The following TRAIP variants were observed in gnomAD, a reference collection of about 807,000 sequenced individuals.
TRAIP encodes the protein TRAF interacting protein.
A neutral mutation model predicts 65.0 loss-of-function variants in TRAIP; 37 were observed. The ratio of observed to expected loss-of-function variants is 0.57; its 90% CI spans 0.44 to 0.75. TRAIP has a LOEUF of 0.75. Among genes scored for constraint, TRAIP ranks in the 30% least tolerant of loss-of-function variants. The pLI, the probability that TRAIP is intolerant of heterozygous loss-of-function variation, is 0.00. For synonymous variants in TRAIP, 187 were observed against 219.1 expected (o/e 0.85, Z 1.29); for missense variants, 481 against 579.4 (o/e 0.83, Z 1.74).
chr3:49,843,869 G>T lies in TRAIP; in HGVS notation c.340C>A (p.Arg114Ser). The T allele has an allele frequency of 6.2e-7, 1 of 1,613,872 alleles. No homozygotes were observed. Among genetic ancestry groups the T allele is most frequent in the Non-Finnish European group, 8.5e-7 (1 of 1,179,764 alleles). The change falls in exon 5 of 15, where the codon CGC (arginine) becomes AGC (serine). Residue 114 changes from arginine to serine, a missense_variant. By Grantham distance (110) the Arg-to-Ser change is moderately radical (BLOSUM62 -1). Transcript: ENST00000331456. The part of the protein sequence containing the change: ...IDTLRDTLEE[R>S]NATVVSLQQA... ...TGCAGAGATACCACAGTAGCATTGC[G>T]TTCTTCCAGCGTATCCCGCAGAGTG...
intron 8 of TRAIP, chr3:49,840,681 G>A: frequency 1.8e-6 from 1 of 561,034 alleles, no homozygotes; most frequent in Middle Eastern, 4.8e-4. Flanking sequence ...GGCCTCTGAT[G>A]CTGTCACATT....
chr3:49,847,691 C>T, intron 2 of TRAIP, 83 bp from the exon 3 acceptor site: 1 of 908,902 alleles, frequency 1.1e-6, no homozygotes, highest in Non-Finnish European at 1.7e-6. Context: ...GGTCTGACTA[C>T]CTGCCTGACA....
rs778303025 is a variant in TRAIP, at chr3:49,841,859, T to TCCACCGCTGACTGTC, written c.569_583dup (p.Gly190_Val194dup). 6.2e-7 allele frequency: 1 copy of TCCACCGCTGACTGTC among 1,614,150 alleles called. No homozygotes were observed. The highest frequency in any genetic ancestry group is 1.1e-5 in the South Asian group (1 of 91,084). ...AGACACACAGTACACAGCCAGCTGT[T>TCCACCGCTGACTGTC]CCACCGCTGACTGTCCCACACCCAT... is the stretch of plus-strand genomic sequence containing the variant. On this transcript the variant is annotated inframe_insertion, in exon 7 of 15. Coordinates refer to ENST00000331456, the MANE Select transcript of TRAIP (RefSeq NM_005879.3).
intron 4 of TRAIP, 21 bp from the exon 5 acceptor site, chr3:49,843,949 G>A (rs368942424): frequency 3.9e-5 from 62 of 1,593,348 alleles, no homozygotes; most frequent in Non-Finnish European, 4.7e-5. Context: ...GGTAGAGGGC[G>A]GAGGAAAGGG....
chr3:49,842,638 G>A, intron 5 of TRAIP, 91 bp from the exon 6 acceptor site: 1 of 1,224,456 alleles, frequency 8.2e-7, no homozygotes, highest in Non-Finnish European at 1.2e-6. Flanking sequence ...AGAACTCTCT[G>A]CAGCTTATGT....
chr3:49,841,881 C>T lies in TRAIP; in HGVS notation c.562G>A (p.Gly188Ser). ...TGTTCCACCGCTGACTGTCCCACAC[C>T]CATGTCTCGGATCATCTCCTCCACC... ...PEVEEMIRDM[G>S]VGQSAVEQLA... is the part of the protein sequence containing the mutation. The change falls in exon 7 of 15, where the codon GGT (glycine) becomes AGT (serine). Residue 188 changes from glycine to serine, a missense_variant. Gly to Ser is a moderately conservative substitution (Grantham distance 56). Transcript: ENST00000331456. 3 of 1,614,188 alleles carry T rather than the reference C, an allele frequency of 1.9e-6. No individual in the cohort carries two copies. The highest frequency in any genetic ancestry group is 2.5e-6 in the Non-Finnish European group (3 of 1,180,002).
At chr3:49,839,961 G>A in intron 9 of TRAIP, 101 bp from the exon 10 acceptor site, 1 of 1,230,508 alleles carries the variant, frequency 8.1e-7, no homozygotes, top group South Asian at 1.2e-5. Flanking sequence ...CCAGCCCACT[G>A]GGAACAGAGC....
chr3:49,847,631 A>G (rs2081896472), intron 2 of TRAIP, 23 bp from the exon 3 acceptor site: 2 of 1,567,456 alleles, frequency 1.3e-6, no homozygotes, highest in South Asian at 1.1e-5. Flanking sequence ...ACAAGGTAAG[A>G]GTATGATTGT....
At chr3:49,852,243 T>C (rs2081938774) in intron 1 of TRAIP, among the ~76,000 whole-genome samples, 2 of 151,430 alleles carry the variant, frequency 1.3e-5, no homozygotes, top group Non-Finnish European at 2.9e-5. Flanking sequence ...GGCGAGCGCC[T>C]GTAATCCCAG....
At chr3:49,834,712 C>A (rs2081765596) in intron 10 of TRAIP, among the ~76,000 whole-genome samples, 1 of 152,178 alleles carries the variant, frequency 6.6e-6, no homozygotes, top group South Asian at 2.1e-4. Context: ...TGCACATCCC[C>A]CCCAAACCCT....
intron 8 of TRAIP, 118 bp from the exon 9 acceptor site, chr3:49,840,491 G>A: frequency 2.5e-6 from 2 of 795,880 alleles, no homozygotes; most frequent in South Asian, 1.6e-5. Context: ...GATATGGGCA[G>A]AGATCCCAGC....
chr3:49,856,347 GTCAC>G lies in TRAIP; in HGVS notation c.98+5_98+8del. On this transcript the variant is annotated splice_donor_5th_base_variant and intron_variant, in intron 1 of 14. Transcript: ENST00000331456. The stretch of plus-strand genomic sequence containing the variant: ...GCAAACACCGGGCCCCAACACTGCA[GTCAC>G]TCACCACTGCAAGTGGAAGGTGTGG... 1.9e-6 allele frequency: 3 copies of G among 1,612,928 alleles called. No individual in the cohort carries two copies. The highest frequency in any genetic ancestry group is 1.7e-5 in the Admixed American group (1 of 59,980).
intron 1 of TRAIP, among the ~76,000 whole-genome samples, chr3:49,851,300 G>A (rs1286357045): frequency 6.6e-6 from 1 of 152,134 alleles, no homozygotes; most frequent in African/African-American, 2.4e-5. Context: ...TCTGAATTCT[G>A]GCTGCATAGA....
chr3:49,842,790 C>A (rs1437190960), intron 5 of TRAIP, among the ~76,000 whole-genome samples: 3 of 152,162 alleles, frequency 2.0e-5, no homozygotes, highest in African/African-American at 7.2e-5. Context: ...TGAAAGGTAT[C>A]TTACAGTAGA....
At chr3:49,844,733 T>C in intron 3 of TRAIP, 153 bp from the exon 4 acceptor site, 1 of 799,312 alleles carries the variant, frequency 1.3e-6, no homozygotes, top group African/African-American at 1.7e-5. Context: ...AAGCTAACAA[T>C]GGAAAGATAA....
chr3:49,854,813 T>C (rs2081958243), intron 1 of TRAIP, among the ~76,000 whole-genome samples: 1 of 151,974 alleles, frequency 6.6e-6, no homozygotes, highest in African/African-American at 2.4e-5. Flanking sequence ...TCCTAGCACT[T>C]TGGGAGGCAG....
intron 10 of TRAIP, among the ~76,000 whole-genome samples, chr3:49,838,073 G>T (rs2081804259): frequency 6.6e-6 from 1 of 152,026 alleles, no homozygotes; most frequent in South Asian, 2.1e-4. Flanking sequence ...TCACTATGTT[G>T]CCCAGGCTGG....
intron 10 of TRAIP, among the ~76,000 whole-genome samples, chr3:49,839,030 A>G (rs1301644972): frequency 6.7e-6 from 1 of 149,052 alleles, no homozygotes; most frequent in Non-Finnish European, 1.5e-5. Flanking sequence ...CTCTACTAAA[A>G]TACAAAAAAT....
At position 49,828,916 on chromosome 3, in the gene TRAIP, A is replaced by C; in HGVS notation, c.*187T>G. The C allele has an allele frequency of 1.4e-6, 1 of 724,624 alleles. No individual in the cohort carries two copies. The highest frequency in any genetic ancestry group is 1.8e-5 in the African/African-American group (1 of 56,962). 44.9% of individuals were successfully genotyped at this position (724,624 alleles called of 1,614,324 possible). Reference sequence around the variant, plus strand: ...GCTGGTCATGTCAGCTCCCAGTCGTAGGAGTGGGGCAGGGTGAGGGCAGGA... The same window carrying C: ...GCTGGTCATGTCAGCTCCCAGTCGTCGGAGTGGGGCAGGGTGAGGGCAGGA... On this transcript the variant is annotated 3_prime_UTR_variant, in exon 15 of 15. Coordinates refer to ENST00000331456, the MANE Select transcript of TRAIP (RefSeq NM_005879.3).
Sources: allele counts gnomAD v4.1 joint callset (sites outside exome capture counted in the v4.1 genomes callset), GRCh38; gene constraint gnomAD v4.1.1; transcripts MANE v1.5; gene names NCBI Gene and HGNC (gene_info 2026-07-23, HGNC 2026-07-21).